KCNH7: variants seen among roughly 807,000 people sequenced by gnomAD.
The protein encoded by KCNH7 is voltage-gated inwardly rectifying potassium channel KCNH7.
Under a neutral mutation model 120.8 loss-of-function variants are expected in KCNH7, and 49 were observed. That is an observed-to-expected ratio of 0.41 (90% CI 0.32 to 0.51). The LOEUF is 0.51. Ranked by LOEUF, KCNH7 falls within the 20% of genes least tolerant of loss-of-function variation. KCNH7 has a pLI of 0.38. For synonymous variants in KCNH7, 547 were observed against 516.1 expected (o/e 1.06, Z -0.81); for missense variants, 1,097 against 1,446.6 (o/e 0.76, Z 3.92).
intron 6 of KCNH7, among the ~76,000 whole-genome samples, chr2:162,475,260 G>C (rs1689697127): frequency 6.6e-6 from 1 of 152,150 alleles, no homozygotes; most frequent in Non-Finnish European, 1.5e-5. Flanking sequence ...TTTTCCAGGA[G>C]GACATTACCG....
At chr2:162,505,814 C>T (rs555981873) in intron 5 of KCNH7, among the ~76,000 whole-genome samples, 7 of 151,876 alleles carry the variant, frequency 4.6e-5, no homozygotes, top group African/African-American at 7.2e-5. Context: ...TTCAAAATGA[C>T]GTGAACCCAT....
chr2:162,642,528 T>A (rs1174003433), intron 2 of KCNH7, among the ~76,000 whole-genome samples: 1 of 152,202 alleles, frequency 6.6e-6, no homozygotes, highest in African/African-American at 2.4e-5. Context: ...ATCACAGTAC[T>A]TCCACAGGAA....
chr2:162,397,291 A>G (rs1686942281), intron 10 of KCNH7, among the ~76,000 whole-genome samples: 1 of 151,646 alleles, frequency 6.6e-6, no homozygotes, highest in South Asian at 2.1e-4. Flanking sequence ...TTTTCAATTC[A>G]GGAATATGAG....
At chr2:162,495,562 A>C (rs1690469765) in intron 6 of KCNH7, among the ~76,000 whole-genome samples, 1 of 152,212 alleles carries the variant, frequency 6.6e-6, no homozygotes, top group African/African-American at 2.4e-5. Flanking sequence ...TATAAGACTT[A>C]AGTTTATTTT....
Position 162,642,056 on chromosome 2 carries a change from C to CTTTA in KCNH7, c.308-104977_308-104976insTAAA, listed in dbSNP as rs539117222. Among the ~76,000 whole-genome samples, 134 of 152,232 alleles carry CTTTA rather than the reference C, an allele frequency of 8.8e-4. 2 individuals carry two copies. The highest frequency in any genetic ancestry group is 2.6e-3 in the Admixed American group (39 of 15,276). The stretch of plus-strand genomic sequence containing the variant: ...CTCAGAGGACATATTTCAAATGAAA[C>CTTTA]TAAAGACTCTTCAGCCCAATAAATT... On this transcript the variant is annotated intron_variant, in intron 2 of 15. Transcript: ENST00000332142.
At chr2:162,652,752 G>T (rs1389734302) in intron 2 of KCNH7, among the ~76,000 whole-genome samples, 2 of 152,102 alleles carry the variant, frequency 1.3e-5, no homozygotes, top group Non-Finnish European at 2.9e-5. Flanking sequence ...TACAGTAATA[G>T]TGCACTTTAG....
At chr2:162,538,820 T>C (rs755604548) in intron 2 of KCNH7, among the ~76,000 whole-genome samples, 2 of 152,096 alleles carry the variant, frequency 1.3e-5, no homozygotes, top group Non-Finnish European at 2.9e-5. Context: ...TTCCAAGGAA[T>C]TGATCGACAG....
At chr2:162,491,799 C>T (rs555973055) in intron 6 of KCNH7, among the ~76,000 whole-genome samples, 1 of 152,264 alleles carries the variant, frequency 6.6e-6, no homozygotes, top group Admixed American at 6.5e-5. Flanking sequence ...TGCCTTTTTC[C>T]CCTCTTTCTA....
chr2:162,722,805 C>CTTTTTTTTTTTTT (rs370399268), intron 2 of KCNH7, among the ~76,000 whole-genome samples: 2 of 79,872 alleles, frequency 2.5e-5, no homozygotes, highest in East Asian at 4.5e-4. Flanking sequence ...TTCATTCATT[C>CTTTTTTTTTTTTT]TTTTTTTCTT....
At chr2:162,501,342 C>A (rs1690679491) in intron 6 of KCNH7, among the ~76,000 whole-genome samples, 1 of 151,960 alleles carries the variant, frequency 6.6e-6, no homozygotes, top group African/African-American at 2.4e-5. Context: ...TCTGATCTTC[C>A]AGCAGTTTGA....
intron 2 of KCNH7, among the ~76,000 whole-genome samples, chr2:162,828,572 T>A (rs753417976): frequency 6.6e-6 from 1 of 151,706 alleles, no homozygotes; most frequent in African/African-American, 2.4e-5. Flanking sequence ...ATAAAAACAC[T>A]CCTAAAGATC....
intron 2 of KCNH7, among the ~76,000 whole-genome samples, chr2:162,822,076 T>C (rs1224886684): frequency 1.3e-5 from 1 of 77,552 alleles, no homozygotes; most frequent in Admixed American, 1.4e-4. Context: ...CAGAATTTGA[T>C]TGAGGCCATA....
At chr2:162,547,107 C>T (rs147619178) in intron 2 of KCNH7, among the ~76,000 whole-genome samples, 132 of 152,114 alleles carry the variant, frequency 8.7e-4, no homozygotes, top group East Asian at 3.9e-3. Context: ...TGTTACATGG[C>T]GGCAGGTGAG....
At chr2:162,410,162 C>G (rs745632259) in intron 9 of KCNH7, among the ~76,000 whole-genome samples, 8 of 151,928 alleles carry the variant, frequency 5.3e-5, no homozygotes, top group Non-Finnish European at 1.0e-4. Context: ...AGCCATCACA[C>G]TACCCAACTT....
chr2:162,452,245 A>G (rs1017210087), intron 6 of KCNH7, among the ~76,000 whole-genome samples: 3 of 152,068 alleles, frequency 2.0e-5, no homozygotes, highest in African/African-American at 7.2e-5. Context: ...ATTTATTTAT[A>G]ATAAACTTAA....
At chr2:162,714,960 T>C (rs950461762) in intron 2 of KCNH7, among the ~76,000 whole-genome samples, 2 of 152,166 alleles carry the variant, frequency 1.3e-5, no homozygotes, top group Admixed American at 6.6e-5. Flanking sequence ...AAAACAGCTT[T>C]GTTATAAATG....
At chr2:162,808,570 A>C (rs536008749) in intron 2 of KCNH7, among the ~76,000 whole-genome samples, 3 of 152,292 alleles carry the variant, frequency 2.0e-5, no homozygotes, top group Non-Finnish European at 4.4e-5. Flanking sequence ...GTCAATTCAC[A>C]TGTTAAGACT....
chr2:162,374,718 T>C (rs1686100159), intron 14 of KCNH7, among the ~76,000 whole-genome samples: 1 of 152,164 alleles, frequency 6.6e-6, no homozygotes, highest in African/African-American at 2.4e-5. Context: ...ATCTTCTTTT[T>C]TTTTTAGTTT....
chr2:162,477,817 TATCC>T lies in KCNH7; in HGVS notation c.1128+26622_1128+26625del, dbSNP rs4001398. On this transcript the variant is annotated intron_variant, in intron 6 of 15. Coordinates refer to ENST00000332142, the MANE Select transcript of KCNH7 (RefSeq NM_033272.4). ...CTATATAGCCTTCTGCCCAAACATC[TATCC>T]ATCCATCCATCCATCCATCCATCCA... is the stretch of plus-strand genomic sequence containing the variant. 5.8e-3 allele frequency among the ~76,000 whole-genome samples: 862 copies of T among 148,978 alleles called. 13 individuals are homozygous for T. Among genetic ancestry groups the T allele is most frequent in the African/African-American group, 0.018 (730 of 39,702 alleles).
Sources: allele counts gnomAD v4.1 joint callset (sites outside exome capture counted in the v4.1 genomes callset), GRCh38; gene constraint gnomAD v4.1.1; transcripts MANE v1.5; gene names NCBI Gene and HGNC (gene_info 2026-07-23, HGNC 2026-07-21).